IRAG1: variants seen among roughly 807,000 people sequenced by gnomAD.
The protein encoded by IRAG1 is inositol 1,4,5-triphosphate receptor associated 1, also known as IP3R-associated cGMP kinase substrate.
IRAG1 carries 62 observed loss-of-function variants against 106.2 expected under a neutral mutation model. That is an observed-to-expected ratio of 0.58 (90% CI 0.48 to 0.72). The LOEUF is 0.72. IRAG1 is among the 30% of genes least tolerant of loss of function. IRAG1 has a pLI of 0.00. For synonymous variants in IRAG1, 462 were observed against 443.9 expected, an observed-to-expected ratio of 1.04 and a Z score of -0.51; for missense variants, 1,064 against 1,140.7, an observed-to-expected ratio of 0.93 and a Z score of 0.97.
chr11:10,672,064 T>C (rs1860277701), intron 1 of IRAG1, among the ~76,000 whole-genome samples: 1 of 152,240 alleles, frequency 6.6e-6, no homozygotes, highest in South Asian at 2.1e-4. Context: ...TTATAGTTAA[T>C]TGATTTCAAC....
At chr11:10,579,464 G>T (rs1851171077) in intron 20 of IRAG1, among the ~76,000 whole-genome samples, 1 of 152,144 alleles carries the variant, frequency 6.6e-6, no homozygotes, top group African/African-American at 2.4e-5. Context: ...TTTGGTGAAG[G>T]TTTTCCAAGG....
intron 2 of IRAG1, among the ~76,000 whole-genome samples, chr11:10,651,078 C>T (rs187625342): frequency 1.3e-3 from 198 of 152,188 alleles, no homozygotes; most frequent in African/African-American, 4.5e-3. Flanking sequence ...GATGACTGTC[C>T]GATATAACAG....
intron 11 of IRAG1, among the ~76,000 whole-genome samples, chr11:10,607,622 G>C (rs1055287493): frequency 6.6e-6 from 1 of 151,618 alleles, no homozygotes; most frequent in Non-Finnish European, 1.5e-5. Flanking sequence ...GGGAGGCCTG[G>C]GAGGGGTCCT....
chr11:10,625,531 G>A (rs1384132275), intron 9 of IRAG1, among the ~76,000 whole-genome samples: 1 of 152,142 alleles, frequency 6.6e-6, no homozygotes, highest in Non-Finnish European at 1.5e-5. Flanking sequence ...CAGGAAGGAA[G>A]GCTTGGGGGC....
chr11:10,610,726 G>A (rs1854882485), intron 10 of IRAG1, among the ~76,000 whole-genome samples: 1 of 152,262 alleles, frequency 6.6e-6, no homozygotes, highest in South Asian at 2.1e-4. Flanking sequence ...AATGTCCCTG[G>A]CATTGATGTT....
At chr11:10,687,691 G>T in intron 1 of IRAG1, 3 of 1,288,188 alleles carry the variant, frequency 2.3e-6, no homozygotes, top group Non-Finnish European at 2.0e-6. Flanking sequence ...CACTCTCCTT[G>T]CGGTGTTTTT....
At chr11:10,627,818 T>A (rs1856371980) in intron 7 of IRAG1, 58 bp from the exon 8 acceptor site, 3 of 1,610,544 alleles carry the variant, frequency 1.9e-6, no homozygotes, top group African/African-American at 2.7e-5. Context: ...TGTTTCCTCT[T>A]GAAATATCCC....
At chr11:10,582,144 G>C (rs552346457) in intron 18 of IRAG1, among the ~76,000 whole-genome samples, 158 bp from the exon 19 acceptor site, 1 of 152,276 alleles carries the variant, frequency 6.6e-6, no homozygotes, top group East Asian at 1.9e-4. Flanking sequence ...CCTGAGACAA[G>C]ATTTTATAAA....
intron 10 of IRAG1, among the ~76,000 whole-genome samples, chr11:10,619,334 C>CA (rs1157033555): frequency 6.6e-6 from 1 of 152,110 alleles, no homozygotes; most frequent in Non-Finnish European, 1.5e-5. Context: ...AAGGAACAGC[C>CA]AACAACCATC....
At chr11:10,648,971 T>C (rs959030381) in intron 2 of IRAG1, among the ~76,000 whole-genome samples, 3 of 152,174 alleles carry the variant, frequency 2.0e-5, no homozygotes, top group Admixed American at 1.3e-4. Context: ...CCCGGGGAGC[T>C]GTAAACTTAG....
chr11:10,617,159 C>A (rs1241721489), intron 10 of IRAG1: 1 of 985,292 alleles, frequency 1.0e-6, no homozygotes, highest in African/African-American at 1.7e-5. Context: ...ACGTGTCCCT[C>A]AAAATCCAGG....
chr11:10,661,874 G>A (rs1029610221), intron 1 of IRAG1, among the ~76,000 whole-genome samples: 2 of 152,062 alleles, frequency 1.3e-5, no homozygotes, highest in Admixed American at 6.6e-5. Context: ...TGGGGAGGGG[G>A]GAGTATTCAG....
intron 3 of IRAG1, 97 bp from the exon 4 acceptor site, chr11:10,632,158 C>T: frequency 1.0e-5 from 8 of 797,982 alleles, no homozygotes; most frequent in South Asian, 3.4e-5. Flanking sequence ...TTCTTTCTTT[C>T]TTTCTTTGTT....
chr11:10,644,857 C>A (rs2134806282), intron 2 of IRAG1, among the ~76,000 whole-genome samples: 1 of 152,314 alleles, frequency 6.6e-6, no homozygotes, highest in South Asian at 2.1e-4. Flanking sequence ...CAGGCAGAAC[C>A]TCTCTGTTGG....
chr11:10,646,992 A>T (rs1858005279), intron 2 of IRAG1, among the ~76,000 whole-genome samples: 1 of 152,184 alleles, frequency 6.6e-6, no homozygotes, highest in South Asian at 2.1e-4. Flanking sequence ...CAGGCATGTG[A>T]CATGCAGCTT....
intron 10 of IRAG1, chr11:10,617,101 G>A (rs896456170): frequency 1.2e-5 from 12 of 985,284 alleles, no homozygotes; most frequent in Non-Finnish European, 1.3e-5. Context: ...GTCTAGACTG[G>A]GGGTTTTGGA....
intron 5 of IRAG1, 82 bp downstream of exon 5, chr11:10,629,456 G>T: frequency 6.9e-7 from 1 of 1,459,462 alleles, no homozygotes; most frequent in South Asian, 1.3e-5. Context: ...GAGGTGAGGC[G>T]CCCACTGCAG....
intron 15 of IRAG1, among the ~76,000 whole-genome samples, chr11:10,599,463 G>A (rs1336756345): frequency 6.6e-6 from 1 of 152,142 alleles, no homozygotes; most frequent in Non-Finnish European, 1.5e-5. Flanking sequence ...CAACACTGAC[G>A]GAAAATGGTT....
chr11:10,589,749 T>A (rs918852863), intron 18 of IRAG1, among the ~76,000 whole-genome samples: 1 of 152,172 alleles, frequency 6.6e-6, no homozygotes, highest in African/African-American at 2.4e-5. Context: ...TAATCCCCAC[T>A]CTGTCCATAT....
Sources: allele counts gnomAD v4.1 joint callset (sites outside exome capture counted in the v4.1 genomes callset), GRCh38; gene constraint gnomAD v4.1.1; transcripts MANE v1.5; gene names NCBI Gene and HGNC (gene_info 2026-07-23, HGNC 2026-07-21).